The following CACNA2D2 variants were observed in gnomAD, a reference collection of about 807,000 sequenced individuals.
CACNA2D2 encodes voltage-dependent calcium channel subunit alpha-2/delta-2.
A neutral mutation model predicts 166.4 loss-of-function variants in CACNA2D2; 48 were observed. The ratio of observed to expected loss-of-function variants is 0.29; its 90% confidence interval spans 0.23 to 0.37. The LOEUF is 0.37. Ranked by LOEUF, CACNA2D2 falls within the 10% of genes least tolerant of loss-of-function variation. CACNA2D2 has a pLI of 1.00. For missense variants in CACNA2D2, 1,122 were observed against 1,433.0 expected, an observed-to-expected ratio of 0.78 and a Z score of 3.50; for synonymous variants, 561 against 573.7, an observed-to-expected ratio of 0.98 and a Z score of 0.32.
intron 2 of CACNA2D2, among the ~76,000 whole-genome samples, chr3:50,443,535 G>A (rs1254659414): frequency 2.0e-5 from 3 of 152,200 alleles, no homozygotes; most frequent in South Asian, 2.1e-4. Context: ...CCAGGCCCCC[G>A]CTGCCGCTCA....
In CACNA2D2 at chr3:50,413,549, T is replaced by C. The variant is rs941642904; in HGVS notation, c.406-19381A>G. ...CCGTTGTAAGTTGCCCCAAGTGAGG[T>C]TGAGGTCCCTAGGCTGGCTGAGCAT... On this transcript the variant is annotated intron_variant, in intron 3 of 37. Coordinates refer to ENST00000424201, the MANE Select transcript of CACNA2D2 (RefSeq NM_006030.4). Among the ~76,000 whole-genome samples the C allele has an allele frequency of 5.9e-5, 9 of 151,904 alleles. No individual in the cohort carries two copies. In the South Asian group the frequency reaches 1.9e-3, roughly 32 times the overall value.
intron 3 of CACNA2D2, among the ~76,000 whole-genome samples, chr3:50,411,275 A>G (rs1245090582): frequency 6.6e-6 from 1 of 152,144 alleles, no homozygotes; most frequent in Non-Finnish European, 1.5e-5. Flanking sequence ...GTTTTGTGTT[A>G]TCTCAACCAA....
At chr3:50,415,779 G>C (rs561449807) in intron 3 of CACNA2D2, 3 of 152,396 alleles carry the variant, frequency 2.0e-5, no homozygotes, top group Admixed American at 6.5e-5. Context: ...ACAGGTGAAT[G>C]AATCAATGAA....
intron 3 of CACNA2D2, among the ~76,000 whole-genome samples, chr3:50,402,895 C>T (rs958555136): frequency 1.1e-4 from 16 of 152,216 alleles, no homozygotes; most frequent in Non-Finnish European, 2.2e-4. Context: ...CAGGGGCCGT[C>T]GGCCACTCTG....
intron 2 of CACNA2D2, among the ~76,000 whole-genome samples, chr3:50,460,074 T>C (rs1330826942): frequency 3.3e-5 from 5 of 152,048 alleles, no homozygotes; most frequent in African/African-American, 9.7e-5. Flanking sequence ...GGCTACAACA[T>C]GGAGTTTTTA....
At chr3:50,441,706 C>A (rs1214032947) in intron 2 of CACNA2D2, among the ~76,000 whole-genome samples, 1 of 152,260 alleles carries the variant, frequency 6.6e-6, no homozygotes, top group Non-Finnish European at 1.5e-5. Flanking sequence ...AAAACTGTGG[C>A]AATCCTGATT....
intron 2 of CACNA2D2, among the ~76,000 whole-genome samples, chr3:50,443,120 A>C (rs891915155): frequency 1.2e-4 from 19 of 152,230 alleles, no homozygotes; most frequent in African/African-American, 4.1e-4. Context: ...TGTGCCCAGC[A>C]TACCAGCTGG....
At chr3:50,466,201 G>A (rs2107035331) in intron 2 of CACNA2D2, among the ~76,000 whole-genome samples, 1 of 152,272 alleles carries the variant, frequency 6.6e-6, no homozygotes, top group East Asian at 1.9e-4. Context: ...CCCATGCAGG[G>A]CTGCTGAGCA....
In CACNA2D2 at chr3:50,410,484, G is replaced by C. The variant is rs968137772; in HGVS notation, c.406-16316C>G. Among the ~76,000 whole-genome samples the C allele has an allele frequency of 5.3e-5, 8 of 152,056 alleles. No homozygotes were observed. In the East Asian group the frequency reaches 5.8e-4, roughly 11 times the overall value. ...AGAGCTGGGTGCTCCCTGGGATGGG[G>C]GGGGGGGTGTTGTCTTTGTGCCCCA... On this transcript the variant is annotated intron_variant, in intron 3 of 37. Transcript: ENST00000424201.
Position 50,365,905 on chromosome 3 carries a change from GC to G in CACNA2D2, c.2863-44del. The G allele has an allele frequency of 6.2e-7, 1 of 1,612,390 alleles. No homozygotes were observed. Among genetic ancestry groups the G allele is most frequent in the Non-Finnish European group, 8.5e-7 (1 of 1,179,624 alleles). ...GCGTGGACTGCCACTGCTGCCCCTC[GC>G]CCTAGGTCACCCCCAGCTTTATCAA... On this transcript the variant is annotated intron_variant, in intron 32 of 37. Transcript: ENST00000424201. The surrounding 1 kb of genome is among the most constrained non-coding windows in gnomAD (Gnocchi z 4.5).
chr3:50,368,227 C>T lies in CACNA2D2; in HGVS notation c.2054G>A (p.Cys685Tyr), dbSNP rs377363524. The T allele has an allele frequency of 1.2e-6, 2 of 1,608,800 alleles. No individual in the cohort carries two copies. Among genetic ancestry groups the T allele is most frequent in the Non-Finnish European group, 1.7e-6 (2 of 1,175,400 alleles). The part of the protein sequence containing the change: ...GHVFIAPREY[C>Y]KDLNASDNNT... ...GTTGTCTGAGGCATTCAGGTCCTTG[C>T]AGTACTCTCTAGGGATGGGGAGGGG... Residue 685 changes from cysteine (C) to tyrosine (Y), a missense_variant, in exon 24 of 38, where the codon TGC (cysteine) becomes TAC (tyrosine). Transcript: ENST00000424201.
At chr3:50,440,872 T>G (rs535099556) in intron 2 of CACNA2D2, among the ~76,000 whole-genome samples, 103 of 151,624 alleles carry the variant, frequency 6.8e-4, no homozygotes, top group African/African-American at 2.3e-3. Context: ...TCCAGGGTGG[T>G]AGGGGGCAAG....
At chr3:50,469,340 T>C (rs552661231) in intron 2 of CACNA2D2, among the ~76,000 whole-genome samples, 7 of 151,820 alleles carry the variant, frequency 4.6e-5, no homozygotes, top group Non-Finnish European at 1.0e-4. Context: ...CCCTATTTTT[T>C]CAAGCTCTGC....
intron 1 of CACNA2D2, among the ~76,000 whole-genome samples, chr3:50,487,468 C>T (rs1001105352): frequency 6.6e-6 from 1 of 152,236 alleles, no homozygotes; most frequent in Non-Finnish European, 1.5e-5. Flanking sequence ...CCTCTGGGAT[C>T]TGCTTCTTGC....
At chr3:50,370,152 A>T (rs1465966093) in intron 23 of CACNA2D2, among the ~76,000 whole-genome samples, 168 bp downstream of exon 23, 3 of 152,148 alleles carry the variant, frequency 2.0e-5, no homozygotes, top group Non-Finnish European at 4.4e-5. Flanking sequence ...CTGGTGCGGT[A>T]CATGGCCTGG....
At chr3:50,454,935 C>T (rs537213490) in intron 2 of CACNA2D2, among the ~76,000 whole-genome samples, 6 of 152,250 alleles carry the variant, frequency 3.9e-5, no homozygotes, top group Non-Finnish European at 5.9e-5. Flanking sequence ...ATCTGGATGG[C>T]GCCCCCCTTG....
intron 3 of CACNA2D2, among the ~76,000 whole-genome samples, chr3:50,432,562 C>G (rs563614161): frequency 6.6e-6 from 1 of 152,166 alleles, no homozygotes; most frequent in African/African-American, 2.4e-5. Flanking sequence ...CAGGCACGCC[C>G]AGTTCAGAAA....
In CACNA2D2 at chr3:50,367,683, G is replaced by A. The variant is rs921568575; in HGVS notation, c.2256C>T (p.Phe752=). ...GGGTGATGCCACCGTCTGTGGCAGC[G>A]AACACGGCCAGTAGGCTGTACCTGG... ...DLNTYSLLAV[F]AATDGGITRV... is the part of the protein sequence containing the mutation. The change falls in exon 26 of 38, where the codon TTC becomes TTT. Residue 752 remains phenylalanine (F), a synonymous_variant. Transcript: ENST00000424201. This position sits in a 1 kb window ranked among gnomAD's most constrained non-coding sequence, Gnocchi z 6.5. The A allele has an allele frequency of 1.8e-5, 29 of 1,612,340 alleles. No individual in the cohort carries two copies. The highest frequency in any genetic ancestry group is 4.5e-5 in the East Asian group (2 of 44,856).
intron 3 of CACNA2D2, among the ~76,000 whole-genome samples, chr3:50,415,550 C>T (rs1003080505): frequency 2.0e-5 from 3 of 152,188 alleles, no homozygotes; most frequent in African/African-American, 4.8e-5. Flanking sequence ...CTGCCCAGAC[C>T]CCTCCTTGGG....
Sources: gnomAD v4.1 joint callset for allele counts (sites outside exome capture counted in the v4.1 genomes callset) on GRCh38, gnomAD v4.1.1 for gene constraint, Gnocchi (gnomAD v3.1) non-coding constraint, MANE v1.5 for transcripts, NCBI Gene and HGNC (gene_info 2026-07-23, HGNC 2026-07-21) for gene names.